Variants in EYA4 observed in about 807,000 individuals in gnomAD.
The protein encoded by EYA4 is EYA transcriptional coactivator and phosphatase 4, also known as protein phosphatase EYA4.
EYA4 carries 31 observed loss-of-function variants against 87.9 expected under a neutral mutation model. That is an observed-to-expected ratio of 0.35 (90% CI 0.27 to 0.48). The LOEUF is 0.48. EYA4 is among the 20% of genes least tolerant of loss of function. EYA4 has a pLI of 0.99. For missense variants in EYA4, 678 were observed against 761.4 expected, an observed-to-expected ratio of 0.89 and a Z score of 1.29; for synonymous variants, 263 against 270.6, an observed-to-expected ratio of 0.97 and a Z score of 0.28.
intron 2 of EYA4, among the ~76,000 whole-genome samples, chr6:133,379,921 G>A (rs985198245): frequency 2.0e-5 from 3 of 152,148 alleles, no homozygotes; most frequent in East Asian, 1.9e-4. Flanking sequence ...GGTCTTCACT[G>A]ACCAAAGGTT....
chr6:133,465,805 T>C (rs2128667390), intron 10 of EYA4, among the ~76,000 whole-genome samples: 1 of 152,268 alleles, frequency 6.6e-6, no homozygotes, highest in East Asian at 1.9e-4. Flanking sequence ...TTTATTTTAG[T>C]TTTATTGATA....
intron 2 of EYA4, among the ~76,000 whole-genome samples, chr6:133,371,801 A>C (rs1404347347): frequency 6.6e-6 from 1 of 152,196 alleles, no homozygotes; most frequent in African/African-American, 2.4e-5. Flanking sequence ...GAAATAGAAA[A>C]GCCAGATGAC....
intron 3 of EYA4, among the ~76,000 whole-genome samples, chr6:133,421,948 ACT>A (rs1790257910): frequency 6.6e-6 from 1 of 151,802 alleles, no homozygotes; most frequent in Non-Finnish European, 1.5e-5. Flanking sequence ...TGCCTACAAA[ACT>A]CTTTTTTGTT....
At chr6:133,291,711 T>C (rs912622883) in intron 2 of EYA4, among the ~76,000 whole-genome samples, 4 of 152,196 alleles carry the variant, frequency 2.6e-5, no homozygotes, top group African/African-American at 4.8e-5. Context: ...CAACTCCAGC[T>C]TCCTAGCAAT....
At chr6:133,341,399 G>T (rs528292999) in intron 2 of EYA4, among the ~76,000 whole-genome samples, 54 of 152,254 alleles carry the variant, frequency 3.5e-4, no homozygotes, top group African/African-American at 1.3e-3. Flanking sequence ...CAAACACTTT[G>T]TAGGTACGCA....
chr6:133,514,784 A>T (rs564083732), intron 16 of EYA4, among the ~76,000 whole-genome samples: 1 of 152,230 alleles, frequency 6.6e-6, no homozygotes, highest in East Asian at 1.9e-4. Context: ...AATTTTTTAC[A>T]TAGCAAAGTA....
At chr6:133,517,315 C>T (rs992100735) in intron 17 of EYA4, among the ~76,000 whole-genome samples, 1 of 101,682 alleles carries the variant, frequency 9.8e-6, no homozygotes, top group Non-Finnish European at 2.0e-5. Context: ...TGTACAACAA[C>T]CCCCCATGAC....
intron 2 of EYA4, among the ~76,000 whole-genome samples, chr6:133,310,983 T>C: frequency 6.6e-6 from 1 of 152,246 alleles, no homozygotes; most frequent in East Asian, 1.9e-4. Context: ...TCATAAGAGC[T>C]CAGACTTTTC....
At chr6:133,284,332 A>C (rs578151769) in intron 2 of EYA4, among the ~76,000 whole-genome samples, 1 of 152,208 alleles carries the variant, frequency 6.6e-6, no homozygotes, top group East Asian at 1.9e-4. Flanking sequence ...CACTACCACA[A>C]CAGGATAATT....
intron 13 of EYA4, among the ~76,000 whole-genome samples, chr6:133,483,509 A>AATCT (rs1268898676): frequency 6.6e-6 from 1 of 151,928 alleles, no homozygotes; most frequent in African/African-American, 2.4e-5. Flanking sequence ...AATAGCGAGT[A>AATCT]ATCTTTCGTC....
At chr6:133,473,186 G>A (rs9493629) in intron 11 of EYA4, among the ~76,000 whole-genome samples, 2 of 151,962 alleles carry the variant, frequency 1.3e-5, no homozygotes, top group African/African-American at 2.4e-5. Context: ...TTGGATGGGA[G>A]GGAAAATAGG....
At chr6:133,476,698 T>A (rs1310648218) in intron 11 of EYA4, among the ~76,000 whole-genome samples, 1 of 152,144 alleles carries the variant, frequency 6.6e-6, no homozygotes, top group Non-Finnish European at 1.5e-5. Context: ...TTGTGAATAA[T>A]GCTGCAATGA....
intron 13 of EYA4, among the ~76,000 whole-genome samples, chr6:133,501,598 G>T (rs1052642107): frequency 6.6e-6 from 1 of 152,070 alleles, no homozygotes; most frequent in Non-Finnish European, 1.5e-5. Context: ...AAAAAATCCA[G>T]TAACTTTTTC....
intron 3 of EYA4, among the ~76,000 whole-genome samples, chr6:133,402,142 T>C (rs761308011): frequency 1.3e-4 from 20 of 152,238 alleles, no homozygotes; most frequent in Non-Finnish European, 1.9e-4. Flanking sequence ...AAAAGATCTA[T>C]ATGATTCTAG....
Position 133,476,066 on chromosome 6 carries a change from C to T in EYA4, c.971-5397C>T, listed in dbSNP as rs113351521. ...GTATATATATTGGTGCAGTGATGGG[C>T]ACCCGTAATCTCAGCTACTCTGGAG... is the stretch of plus-strand genomic sequence containing the variant. On this transcript the variant is annotated intron_variant, in intron 11 of 19. Transcript: ENST00000355286. 3.4e-4 allele frequency among the ~76,000 whole-genome samples: 52 copies of T among 152,120 alleles called. 1 individual carries two copies. The highest frequency in any genetic ancestry group is 1.2e-3 in the African/African-American group (51 of 41,508).
rs1800897516 is a variant in EYA4, at chr6:133,529,717, G to A, written c.*912G>A. 1.0e-6 allele frequency: 1 copy of A among 985,118 alleles called. No individual in the cohort carries two copies. Among genetic ancestry groups the A allele is most frequent in the South Asian group, 4.7e-5 (1 of 21,280 alleles). The allele number at this position is 985,118 out of a possible 1,614,324, so 61.0% of individuals were successfully genotyped here. On this transcript the variant is annotated 3_prime_UTR_variant, in exon 20 of 20. Coordinates refer to ENST00000355286, the MANE Select transcript of EYA4 (RefSeq NM_004100.5). ...CAATAATTGTATGAGGCAACTATTT[G>A]CGCATCCAACCATGAGTGGAAGGTT... is the stretch of plus-strand genomic sequence containing the variant.
At position 133,473,894 on chromosome 6, in the gene EYA4, C is replaced by T. The variant is rs895275077; in HGVS notation, c.970+5163C>T. Among the ~76,000 whole-genome samples the T allele has an allele frequency of 2.6e-4, 39 of 151,950 alleles. 1 individual carries two copies. The highest frequency in any genetic ancestry group is 9.2e-4 in the African/African-American group (38 of 41,410). On this transcript the variant is annotated intron_variant, in intron 11 of 19. Transcript: ENST00000355286. ...TAGGCGCCTTACTCATTAGCCCCAG[C>T]CCAAATCACATGTTCCAAATCTGTC... is the stretch of plus-strand genomic sequence containing the variant.
At chr6:133,395,975 T>C (rs1169858833) in intron 3 of EYA4, among the ~76,000 whole-genome samples, 1 of 152,170 alleles carries the variant, frequency 6.6e-6, no homozygotes, top group Non-Finnish European at 1.5e-5. Flanking sequence ...GTTTTTGAAA[T>C]AAAAATGTAA....
intron 3 of EYA4, among the ~76,000 whole-genome samples, chr6:133,413,836 T>G (rs1254235249): frequency 6.6e-6 from 1 of 152,206 alleles, no homozygotes; most frequent in African/African-American, 2.4e-5. Flanking sequence ...ATGTCCAGAA[T>G]TGAACTCACA....
Sources: gnomAD v4.1 joint callset for allele counts (sites outside exome capture counted in the v4.1 genomes callset) on GRCh38, gnomAD v4.1.1 for gene constraint, MANE v1.5 for transcripts, NCBI Gene and HGNC (gene_info 2026-07-23, HGNC 2026-07-21) for gene names.